The following DOCK5 variants were observed in gnomAD, a reference collection of about 807,000 sequenced individuals.
DOCK5 encodes the protein dedicator of cytokinesis protein 5.
Under a neutral mutation model 251.8 loss-of-function variants are expected in DOCK5, and 142 were observed. The observed-to-expected ratio is 0.56, with a 90% CI of 0.49 to 0.65. DOCK5 has a LOEUF of 0.65. Ranked by LOEUF, DOCK5 falls within the 30% of genes least tolerant of loss-of-function variation. The pLI is 0.00. For missense variants in DOCK5, 2,111 were observed against 2,312.3 expected (o/e 0.91, Z 1.79); for synonymous variants, 842 against 835.5 (o/e 1.01, Z -0.13).
chr8:25,184,804 A>G lies in DOCK5; in HGVS notation c.-105A>G, dbSNP rs1801385886. 17 of 1,090,452 alleles carry G rather than the reference A, an allele frequency of 1.6e-5. No individual in the cohort carries two copies. Among genetic ancestry groups the G allele is most frequent in the Non-Finnish European group, 1.9e-5 (16 of 855,892 alleles). The allele number at this position is 1,090,452 out of a possible 1,614,324, so 67.5% of individuals were successfully genotyped here. A position where few individuals can be genotyped will look rare whatever the true frequency, so the allele number is the denominator to read the frequency against. ...GGAGTCCAGCGAAGTTTGGCGGAAC[A>G]TGGCGGAAGCGTCTGGGGCACGCAG... is the stretch of plus-strand genomic sequence containing the variant. On this transcript the variant is annotated 5_prime_UTR_variant, in exon 1 of 52. An upstream start codon of the reference 5' UTR is lost. Transcript: ENST00000276440.
rs374384099 is a variant in DOCK5, at chr8:25,351,760, A to G, written c.2784A>G (p.Ile928Met). 1.4e-5 allele frequency: 23 copies of G among 1,613,738 alleles called. No homozygotes were observed. The highest frequency in any genetic ancestry group is 1.7e-5 in the Non-Finnish European group (20 of 1,179,838). ...VGATAVHIQL[I>M]MERLLRRINR... is the part of the protein sequence containing the mutation. ...CCACTGCGGTGCACATTCAGCTTAT[A>G]ATGGAACGGCTGCTGAGAAGGATCA... Residue 928 changes from isoleucine (I) to methionine (M), a missense_variant, in exon 27 of 52, where the codon ATA becomes ATG. Ile to Met is a conservative substitution (Grantham distance 10, BLOSUM62 1). Transcript: ENST00000276440.
chr8:25,352,252 G>A (rs1205568955), intron 27 of DOCK5, among the ~76,000 whole-genome samples: 2 of 124,460 alleles, frequency 1.6e-5, no homozygotes, highest in Non-Finnish European at 3.3e-5. Context: ...AGCAGGGAGG[G>A]AAGGGAGGGA....
At chr8:25,318,539 T>A (rs868013154) in intron 14 of DOCK5, among the ~76,000 whole-genome samples, 32 of 114,982 alleles carry the variant, frequency 2.8e-4, no homozygotes, top group Admixed American at 1.0e-4. Flanking sequence ...CTCCTCCCCT[T>A]CCCCCTCCAC....
intron 48 of DOCK5, 99 bp downstream of exon 48, chr8:25,403,823 G>T (rs1278899777): frequency 1.6e-6 from 2 of 1,283,190 alleles, no homozygotes; most frequent in Non-Finnish European, 1.1e-6. Flanking sequence ...ATAGCCTTTG[G>T]GTCATTCTCA....
At chr8:25,332,384 C>A in intron 19 of DOCK5, 36 bp downstream of exon 19, 1 of 1,504,190 alleles carries the variant, frequency 6.6e-7, no homozygotes, top group Non-Finnish European at 9.2e-7. Context: ...AATACACATA[C>A]CTACATATAT....
chr8:25,403,869 A>G, intron 48 of DOCK5, 145 bp downstream of exon 48: 1 of 893,464 alleles, frequency 1.1e-6, no homozygotes, highest in South Asian at 1.8e-5. Context: ...GATTAGCAGA[A>G]TAATAACAAC....
chr8:25,287,823 A>G (rs1804378198), intron 5 of DOCK5, among the ~76,000 whole-genome samples: 1 of 152,108 alleles, frequency 6.6e-6, no homozygotes, highest in Non-Finnish European at 1.5e-5. Context: ...TCAGGAAAGA[A>G]AGAGCTGGAA....
chr8:25,238,898 G>A (rs1168498114), intron 1 of DOCK5, among the ~76,000 whole-genome samples: 3 of 152,228 alleles, frequency 2.0e-5, no homozygotes, highest in African/African-American at 7.2e-5. Context: ...CAAAAGTAAT[G>A]TGTAACGAGG....
At position 25,237,952 on chromosome 8, in the gene DOCK5, G is replaced by A. The variant is rs141067407; in HGVS notation, c.44-5722G>A. 1.1e-3 allele frequency among the ~76,000 whole-genome samples: 172 copies of A among 150,636 alleles called. 1 individual carries two copies. Among genetic ancestry groups the A allele is most frequent in the African/African-American group, 3.8e-3 (151 of 39,984 alleles). On this transcript the variant is annotated intron_variant, in intron 1 of 51. Transcript: ENST00000276440. ...AGTGGTAAAGTTGAGTCTTGAATCC[G>A]TTTTGCTTACCCTGAGGTTTTTCTT...
chr8:25,346,494 G>C (rs891569432), intron 26 of DOCK5, among the ~76,000 whole-genome samples: 1 of 151,528 alleles, frequency 6.6e-6, no homozygotes, highest in Non-Finnish European at 1.5e-5. Flanking sequence ...TTCTCATCTT[G>C]CGTTTTCTCT....
At chr8:25,185,576 CTG>C (rs1011630048) in intron 1 of DOCK5, among the ~76,000 whole-genome samples, 1 of 152,084 alleles carries the variant, frequency 6.6e-6, no homozygotes, top group Non-Finnish European at 1.5e-5. Context: ...GCCCCTGGGG[CTG>C]TTTGTGCGCA....
chr8:25,351,672 C>A, intron 26 of DOCK5, 59 bp from the exon 27 acceptor site: 1 of 1,360,716 alleles, frequency 7.3e-7, no homozygotes, highest in South Asian at 1.3e-5. Context: ...ATCTGAGGTT[C>A]CTTAAAGAAA....
intron 1 of DOCK5, among the ~76,000 whole-genome samples, chr8:25,226,861 A>C (rs1802547432): frequency 6.6e-6 from 1 of 152,230 alleles, no homozygotes; most frequent in Non-Finnish European, 1.5e-5. Flanking sequence ...CTGGGATTAC[A>C]GGCGTGAGCC....
intron 45 of DOCK5, among the ~76,000 whole-genome samples, chr8:25,398,918 A>G (rs746990102): frequency 6.6e-6 from 1 of 152,226 alleles, no homozygotes. Flanking sequence ...CTCGCAAGAT[A>G]GGCTTTGCAC....
intron 2 of DOCK5, among the ~76,000 whole-genome samples, chr8:25,250,160 G>A (rs1357265588): frequency 1.3e-5 from 2 of 152,122 alleles, no homozygotes; most frequent in African/African-American, 4.8e-5. Flanking sequence ...TTGAGCTTTG[G>A]CTCCAAAACA....
Position 25,319,592 on chromosome 8 carries a change from T to C in DOCK5, c.1458T>C (p.Pro486=). 1 of 1,581,740 alleles carries C rather than the reference T, an allele frequency of 6.3e-7. No individual in the cohort carries two copies. The highest frequency in any genetic ancestry group is 8.6e-7 in the Non-Finnish European group (1 of 1,163,130). ...EGKLLEKAIH[P]GAGYEGISEY... ...TCCATCTGAAGAAAGCAATTCACCC[T>C]GGTGCTGGATATGAAGGCATTTCAG... Residue 486 remains proline (P), a synonymous_variant, in exon 15 of 52, where the codon CCT becomes CCC. Transcript: ENST00000276440.
At chr8:25,302,185 G>A (rs746499034) in intron 9 of DOCK5, 140 bp from the exon 10 acceptor site, 2 of 1,229,822 alleles carry the variant, frequency 1.6e-6, no homozygotes, top group Non-Finnish European at 2.1e-6. Flanking sequence ...GGAGATGGGG[G>A]AGAAGAGAGT....
intron 1 of DOCK5, among the ~76,000 whole-genome samples, chr8:25,212,029 C>T (rs929328541): frequency 3.2e-5 from 2 of 62,946 alleles, no homozygotes; most frequent in African/African-American, 7.2e-5. Flanking sequence ...GGCATGGTGG[C>T]GGGCACCTGT....
At chr8:25,387,204 A>AGAGAC (rs112955158) in intron 40 of DOCK5, among the ~76,000 whole-genome samples, 145,129 of 149,094 alleles carry the variant, frequency 0.97, 70,748 homozygotes, top group East Asian at 1. Flanking sequence ...TTTTTTTTTA[A>AGAGAC]GAGGTCTCGC....
Sources: allele counts gnomAD v4.1 joint callset (sites outside exome capture counted in the v4.1 genomes callset), GRCh38; gene constraint gnomAD v4.1.1; transcripts MANE v1.5; gene names NCBI Gene and HGNC (gene_info 2026-07-23, HGNC 2026-07-21).